Variants in PPP1R15B observed in about 807,000 individuals in gnomAD.
PPP1R15B encodes protein phosphatase 1 regulatory subunit 15B.
PPP1R15B carries 31 observed loss-of-function variants against 53.9 expected under a neutral mutation model. That is an observed-to-expected ratio of 0.58 (90% CI 0.43 to 0.78). PPP1R15B has a LOEUF of 0.78. Ranked by LOEUF, PPP1R15B falls within the 30% of genes least tolerant of loss-of-function variation. The probability of loss-of-function intolerance (pLI) is 0.00; values close to 1 mark genes in which losing one functional copy is unlikely to be tolerated. For synonymous variants in PPP1R15B, 345 were observed against 329.1 expected (o/e 1.05, Z -0.52); for missense variants, 928 against 849.6 (o/e 1.09, Z -1.15).
chr1:204,396,215 A>G (rs1039260329), downstream of PPP1R15B, among the ~76,000 whole-genome samples: 9 of 152,092 alleles, frequency 5.9e-5, no homozygotes, highest in African/African-American at 1.9e-4. Flanking sequence ...AAGTGTTGAA[A>G]GCAGATCAAA....
At chr1:204,398,688 A>T (rs1456552771), downstream of PPP1R15B, among the ~76,000 whole-genome samples, 7 of 152,148 alleles carry the variant, frequency 4.6e-5, no homozygotes, top group African/African-American at 1.7e-4. Flanking sequence ...GATCTGTAAT[A>T]ACAGGTGTCC....
At position 204,409,742 on chromosome 1, in the gene PPP1R15B, T is replaced by C. The variant is rs1446478650; in HGVS notation, c.1670A>G (p.Asn557Ser). Residue 557 changes from asparagine to serine, a missense_variant, in exon 1 of 2, where the codon AAC becomes AGC. Transcript: ENST00000367188. Reference sequence around the variant, plus strand: ...GGGGTCATCAGAATTACAGAATGAGTTCCACAGTTTGAGACTCTCTGCTTC... The same window carrying C: ...GGGGTCATCAGAATTACAGAATGAGCTCCACAGTTTGAGACTCTCTGCTTC... ...ADEAESLKLW[N>S]SFCNSDDPYN... is the part of the protein sequence containing the mutation. 3.1e-6 allele frequency: 5 copies of C among 1,613,970 alleles called. No individual in the cohort carries two copies. Among genetic ancestry groups the C allele is most frequent in the Non-Finnish European group, 4.2e-6 (5 of 1,180,008 alleles).
intron 1 of PPP1R15B, among the ~76,000 whole-genome samples, chr1:204,407,824 A>T (rs1469142065): frequency 6.6e-6 from 1 of 152,230 alleles, no homozygotes. Context: ...ACTGTCCATC[A>T]TCCTATATAC....
chr1:204,398,111 C>T (rs1674118908), downstream of PPP1R15B, among the ~76,000 whole-genome samples: 1 of 152,148 alleles, frequency 6.6e-6, no homozygotes, highest in Non-Finnish European at 1.5e-5. Context: ...ACTGCGCAGA[C>T]CCTTCCACCA....
downstream of PPP1R15B, chr1:204,400,725 C>T (rs2103439731): frequency 2.0e-6 from 2 of 980,598 alleles, no homozygotes; most frequent in South Asian, 4.7e-5. Context: ...CCTTTCTTCT[C>T]GCATCTCTGG....
In PPP1R15B at chr1:204,404,252, G is replaced by C; in HGVS notation, c.*1840C>G. 1.0e-6 allele frequency: 1 copy of C among 981,148 alleles called. No individual in the cohort carries two copies. The highest frequency in any genetic ancestry group is 1.2e-6 in the Non-Finnish European group (1 of 826,118). The allele number at this position is 981,148 out of a possible 1,614,324, so 60.8% of individuals were successfully genotyped here. A position where few individuals can be genotyped will look rare whatever the true frequency, so the allele number is the denominator to read the frequency against. ...GAATCCCAGCACTTTGAGAGGCCGAGGCGGGCGGATCACGAGGTCAGCAGT... is the reference window on the plus strand; with the variant it reads ...GAATCCCAGCACTTTGAGAGGCCGACGCGGGCGGATCACGAGGTCAGCAGT... On this transcript the variant is annotated 3_prime_UTR_variant, in exon 2 of 2. Transcript: ENST00000367188.
downstream of PPP1R15B, among the ~76,000 whole-genome samples, chr1:204,401,784 G>A (rs1179982387): frequency 3.9e-5 from 6 of 152,158 alleles, 1 homozygote; most frequent in South Asian, 1.0e-3. Context: ...AGCTGAGTGC[G>A]GTGGTGTGCA....
chr1:204,406,179 A>G lies in PPP1R15B; in HGVS notation c.2055T>C (p.Tyr685=). 1.2e-6 allele frequency: 2 copies of G among 1,614,140 alleles called. No individual in the cohort carries two copies. ...TTTCTCTGTGTTCAAATGTCAAGCAATATCCAATAGCATCTTCTGTTTCTT... is the reference window on the plus strand; with the variant it reads ...TTTCTCTGTGTTCAAATGTCAAGCAGTATCCAATAGCATCTTCTGTTTCTT... The part of the protein sequence containing the change: ...RIQETEDAIG[Y]CLTFEHRERM... Residue 685 remains tyrosine (Y), a synonymous_variant, in exon 2 of 2, where the codon TAT becomes TAC. Transcript: ENST00000367188.
intron 1 of PPP1R15B, among the ~76,000 whole-genome samples, chr1:204,408,753 A>G (rs780550144): frequency 3.9e-5 from 6 of 152,242 alleles, no homozygotes; most frequent in Non-Finnish European, 7.3e-5. Context: ...TGCTGCATGA[A>G]GTTTTAAGAC....
Position 204,403,743 on chromosome 1 carries a change from T to G in PPP1R15B, c.*2349A>C. 1 of 985,520 alleles carries G rather than the reference T, an allele frequency of 1.0e-6. No homozygotes were observed. The highest frequency in any genetic ancestry group is 4.7e-5 in the South Asian group (1 of 21,276). The allele number at this position is 985,520 out of a possible 1,614,324, so 61.0% of individuals were successfully genotyped here. On this transcript the variant is annotated 3_prime_UTR_variant, in exon 2 of 2. Coordinates refer to ENST00000367188, the MANE Select transcript of PPP1R15B (RefSeq NM_032833.5). ...ACCTCCAAAGATTTTCTCTTTAAGATTACGGGGGTTTAACTTTGTTCTAAC... is the reference window on the plus strand; with the variant it reads ...ACCTCCAAAGATTTTCTCTTTAAGAGTACGGGGGTTTAACTTTGTTCTAAC...
At chr1:204,396,239 G>A (rs555813852), downstream of PPP1R15B, among the ~76,000 whole-genome samples, 44 of 152,008 alleles carry the variant, frequency 2.9e-4, 1 homozygote, top group South Asian at 6.4e-3. Context: ...CAGACGTGGT[G>A]GCTCACACCT....
downstream of PPP1R15B, among the ~76,000 whole-genome samples, chr1:204,399,171 T>C (rs1343393018): frequency 6.6e-6 from 1 of 152,198 alleles, no homozygotes; most frequent in Non-Finnish European, 1.5e-5. Flanking sequence ...CTCACACATG[T>C]AATCCCAGCA....
downstream of PPP1R15B, among the ~76,000 whole-genome samples, chr1:204,397,618 C>T (rs1443982509): frequency 6.6e-6 from 1 of 152,136 alleles, no homozygotes; most frequent in Non-Finnish European, 1.5e-5. Flanking sequence ...CTTGACTTAC[C>T]ATTCCACAAT....
chr1:204,400,485 TC>T, downstream of PPP1R15B, among the ~76,000 whole-genome samples: 3 of 92,692 alleles, frequency 3.2e-5, no homozygotes, highest in Admixed American at 3.8e-4. Flanking sequence ...AATTTCTTTT[TC>T]TTTTTTTTTT....
downstream of PPP1R15B, among the ~76,000 whole-genome samples, chr1:204,399,363 C>T (rs368099873): frequency 1.3e-5 from 2 of 152,160 alleles, no homozygotes; most frequent in South Asian, 4.2e-4. Context: ...GAGTTCGAGA[C>T]CAGCCTGGGC....
downstream of PPP1R15B, among the ~76,000 whole-genome samples, chr1:204,402,902 T>C (rs1674200958): frequency 3.3e-5 from 5 of 151,962 alleles, no homozygotes; most frequent in South Asian, 1.0e-3. Flanking sequence ...TGAAACCCCA[T>C]CTCTACTAAA....
downstream of PPP1R15B, among the ~76,000 whole-genome samples, chr1:204,399,148 C>T (rs1429691331): frequency 6.6e-6 from 1 of 152,180 alleles, no homozygotes; most frequent in East Asian, 1.9e-4. Flanking sequence ...ATTAACTTGG[C>T]CAGGCCCAGT....
chr1:204,396,441 T>C (rs1442450541), downstream of PPP1R15B, among the ~76,000 whole-genome samples: 1 of 148,870 alleles, frequency 6.7e-6, no homozygotes, highest in African/African-American at 2.5e-5. Context: ...TAGTCCCAGC[T>C]ACTCAGGAGG....
At chr1:204,396,773 G>A (rs2103437259), downstream of PPP1R15B, among the ~76,000 whole-genome samples, 1 of 152,242 alleles carries the variant, frequency 6.6e-6, no homozygotes, top group South Asian at 2.1e-4. Context: ...ACTTTAATAA[G>A]TTAATAAAAA....
Sources: allele counts gnomAD v4.1 joint callset (sites outside exome capture counted in the v4.1 genomes callset), GRCh38; gene constraint gnomAD v4.1.1; transcripts MANE v1.5; gene names NCBI Gene and HGNC (gene_info 2026-07-23, HGNC 2026-07-21).